Variants in FBXO34 observed in about 807,000 individuals in gnomAD.
FBXO34 encodes the protein F-box protein 34, also known as F-box only protein 34.
In FBXO34, 12 loss-of-function variants were observed where a neutral mutation model predicts 24.5. That is an observed-to-expected ratio of 0.49 (90% CI 0.31 to 0.79). The LOEUF (loss-of-function observed/expected upper bound fraction) is 0.79. Among genes scored for constraint, FBXO34 ranks in the 30% least tolerant of loss-of-function variants. The pLI is 0.04. For synonymous variants in FBXO34, 320 were observed against 311.9 expected, an observed-to-expected ratio of 1.03 and a Z score of -0.27; for missense variants, 823 against 857.7, an observed-to-expected ratio of 0.96 and a Z score of 0.51.
the FBXO34 span, among the ~76,000 whole-genome samples, chr14:55,410,669 A>G: frequency 6.6e-6 from 1 of 152,236 alleles, no homozygotes; most frequent in Non-Finnish European, 1.5e-5. Flanking sequence ...CTGAATTTTA[A>G]TTCTTGTACC....
downstream of FBXO34, chr14:55,369,868 G>A (rs748305499): frequency 3.0e-5 from 48 of 1,613,976 alleles, no homozygotes; most frequent in East Asian, 6.7e-5. Flanking sequence ...CAGCAACTCC[G>A]GGATCCACAA....
Position 55,351,473 on chromosome 14 carries a change from G to C in FBXO34, c.1083G>C (p.Lys361Asn). ...GPSRADRCSP[K>N]EDQAWDGASQ... ...CAAGAGCTGATCGTTGTTCTCCTAA[G>C]GAGGACCAGGCCTGGGACGGTGCTT... The change falls in exon 2 of 2, where the codon AAG (lysine) becomes AAC (asparagine). Residue 361 changes from lysine (K) to asparagine (N), a missense_variant. Lys to Asn is a moderately conservative substitution (Grantham distance 94). Around this residue, in one of 2 missense-constraint regions of FBXO34, gnomAD observed 693 missense variants for 659.1 expected, o/e 1.05. Coordinates refer to ENST00000313833, the MANE Select transcript of FBXO34 (RefSeq NM_017943.4). The C allele has an allele frequency of 6.2e-7, 1 of 1,614,170 alleles. No homozygotes were observed. Among genetic ancestry groups the C allele is most frequent in the Non-Finnish European group, 8.5e-7 (1 of 1,180,028 alleles).
chr14:55,397,010 T>C, the FBXO34 span, among the ~76,000 whole-genome samples: 1 of 152,170 alleles, frequency 6.6e-6, no homozygotes, highest in African/African-American at 2.4e-5. Context: ...AAAATACTGA[T>C]ATGGACAAAA....
In FBXO34 at chr14:55,352,105, A is replaced by T; in HGVS notation, c.1715A>T (p.Gln572Leu). The T allele has an allele frequency of 6.2e-7, 1 of 1,614,240 alleles. No individual in the cohort carries two copies. The highest frequency in any genetic ancestry group is 8.5e-7 in the Non-Finnish European group (1 of 1,180,038). Residue 572 changes from glutamine to leucine, a missense_variant, in exon 2 of 2, where the codon CAG becomes CTG. By Grantham distance (113) the Gln-to-Leu change is moderately radical. Transcript: ENST00000313833. ...AAAATCCAGCAGCTTTTGGAGCCTC[A>T]GCAGTACATGGCTTTTCTGCCCCAC... The part of the protein sequence containing the change: ...RFKIQQLLEP[Q>L]QYMAFLPHHI...
Position 55,296,382 on chromosome 14 carries a change from GTTTTTTTTGT to G in FBXO34, c.-11+24854_-11+24863del, listed in dbSNP as rs1222100140. 2.6e-4 allele frequency among the ~76,000 whole-genome samples: 25 copies of G among 95,824 alleles called. No homozygotes were observed. In the East Asian group the frequency reaches 5.4e-3, roughly 21 times the overall value. The allele number at this position is 95,824 out of a possible 152,430, so 62.9% of individuals were successfully genotyped here. A position where few individuals can be genotyped will look rare whatever the true frequency, so the allele number is the denominator to read the frequency against. On this transcript the variant is annotated intron_variant, in intron 1 of 1. Coordinates refer to ENST00000313833, the MANE Select transcript of FBXO34 (RefSeq NM_017943.4). Reference sequence around the variant, plus strand: ...AGTGGGTAGGTTTTGCTGTTCTTGTGTTTTTTTTGTTTTTTTTTTTTTTTTTTTTTTTTGA... The same window carrying G: ...AGTGGGTAGGTTTTGCTGTTCTTGTGTTTTTTTTTTTTTTTTTTTTTTTGA...
chr14:55,351,874 C>T lies in FBXO34; in HGVS notation c.1484C>T (p.Ser495Phe), dbSNP rs1884397727. The T allele has an allele frequency of 1.2e-6, 2 of 1,614,000 alleles. No homozygotes were observed. The highest frequency in any genetic ancestry group is 2.7e-5 in the African/African-American group (2 of 74,876). Residue 495 changes from serine to phenylalanine, a missense_variant, in exon 2 of 2, where the codon TCC becomes TTC. Physicochemically the swap from Ser to Phe is radical, Grantham distance 155. Around this residue, in one of 2 missense-constraint regions of FBXO34, gnomAD observed 693 missense variants for 659.1 expected, o/e 1.05. Coordinates refer to ENST00000313833, the MANE Select transcript of FBXO34 (RefSeq NM_017943.4). ...CCTGGTCAGCACTTGTCAGACTATT[C>T]CCAGTTGAATGAAAGCACAACAAAA... ...LPPGQHLSDYSQLNESTTKES... is the reference protein window; with the variant it reads ...LPPGQHLSDYFQLNESTTKES...
chr14:55,440,815 G>A, the FBXO34 span, among the ~76,000 whole-genome samples: 1 of 152,160 alleles, frequency 6.6e-6, no homozygotes, highest in Non-Finnish European at 1.5e-5. Flanking sequence ...GCTCCCAGGA[G>A]AGAAATTCTC....
At chr14:55,395,110 CCTG>C in the FBXO34 span, 33,150 of 493,742 alleles carry the variant, frequency 0.067, 1,331 homozygotes, top group South Asian at 0.09. Context: ...TTTATCCTTT[CCTG>C]CTGCTTTCTC....
chr14:55,363,580 T>C (rs1884622322), downstream of FBXO34, among the ~76,000 whole-genome samples: 1 of 152,008 alleles, frequency 6.6e-6, no homozygotes, highest in Admixed American at 6.6e-5. Context: ...CCACCCACCT[T>C]CGTCTCCCAA....
chr14:55,374,214 A>G (rs1884876974), downstream of FBXO34, among the ~76,000 whole-genome samples: 2 of 133,464 alleles, frequency 1.5e-5, no homozygotes, highest in African/African-American at 5.2e-5. Context: ...TATTATTTTA[A>G]TGTTTTTTTT....
chr14:55,330,415 A>G (rs570812990), intron 1 of FBXO34, among the ~76,000 whole-genome samples: 19 of 152,114 alleles, frequency 1.2e-4, no homozygotes, highest in South Asian at 2.1e-4. Context: ...CACTCATACT[A>G]TATTCTTTTT....
chr14:55,412,179 G>C, the FBXO34 span, among the ~76,000 whole-genome samples: 1 of 152,212 alleles, frequency 6.6e-6, no homozygotes, highest in East Asian at 1.9e-4. Context: ...TTAACTTGCT[G>C]TGGATGCTTT....
At chr14:55,355,638 T>C (rs757618092), downstream of FBXO34, among the ~76,000 whole-genome samples, 16 of 152,234 alleles carry the variant, frequency 1.1e-4, no homozygotes, top group Non-Finnish European at 2.4e-4. Flanking sequence ...GATGGGAGGC[T>C]ATGCATTGGT....
At chr14:55,356,427 G>C (rs1269824510), downstream of FBXO34, among the ~76,000 whole-genome samples, 1 of 152,124 alleles carries the variant, frequency 6.6e-6, no homozygotes, top group Non-Finnish European at 1.5e-5. Context: ...TCTGACACTT[G>C]GGGAATCTGA....
downstream of FBXO34, among the ~76,000 whole-genome samples, chr14:55,371,406 T>C (rs1393628091): frequency 3.3e-5 from 5 of 152,236 alleles, no homozygotes; most frequent in East Asian, 7.7e-4. Flanking sequence ...TAAGCAATAA[T>C]AATAGCTAAC....
At position 55,352,415 on chromosome 14, in the gene FBXO34, C is replaced by T. The variant is rs766190732; in HGVS notation, c.2025C>T (p.Phe675=). 10 of 1,614,200 alleles carry T rather than the reference C, an allele frequency of 6.2e-6. No individual in the cohort carries two copies. The East Asian group carries it at 2.0e-4, about 32-fold the overall frequency. Reference sequence around the variant, plus strand: ...GCTGCCACCGGTCTCAGAAAGGATTCCCTGGCTGTAAGCTGGGGCTTCATG... The same window carrying T: ...GCTGCCACCGGTCTCAGAAAGGATTTCCTGGCTGTAAGCTGGGGCTTCATG... ...WMCCHRSQKG[F]PGCKLGLHDN... The change falls in exon 2 of 2, where the codon TTC becomes TTT. Residue 675 remains phenylalanine (F), a synonymous_variant. Transcript: ENST00000313833.
At chr14:55,380,619 G>A in the FBXO34 span, 2,711 of 1,613,184 alleles carry the variant, frequency 1.7e-3, 6 homozygotes, top group Middle Eastern at 2.1e-3. Context: ...ATATGAGACA[G>A]AATGTTGACC....
chr14:55,342,638 T>C (rs1170607547), intron 1 of FBXO34, among the ~76,000 whole-genome samples: 2 of 152,204 alleles, frequency 1.3e-5, no homozygotes, highest in African/African-American at 4.8e-5. Flanking sequence ...TTCTTGTGCC[T>C]CTGCCTATAT....
intron 1 of FBXO34, among the ~76,000 whole-genome samples, chr14:55,290,708 T>G (rs1315472352): frequency 6.6e-6 from 1 of 152,210 alleles, no homozygotes; most frequent in Non-Finnish European, 1.5e-5. Context: ...GTTTCATTAG[T>G]TAGAACTTAG....
Sources: gnomAD v4.1 joint callset for allele counts (sites outside exome capture counted in the v4.1 genomes callset) on GRCh38, gnomAD v4.1.1 for gene constraint, gnomAD v4.1.1 regional missense constraint, MANE v1.5 for transcripts, NCBI Gene and HGNC (gene_info 2026-07-23, HGNC 2026-07-21) for gene names.